IRAG1: variants seen among roughly 807,000 people sequenced by gnomAD.
IRAG1 encodes the protein IP3R-associated cGMP kinase substrate.
In IRAG1, 62 loss-of-function variants were observed where a neutral mutation model predicts 106.2. The ratio of observed to expected loss-of-function variants is 0.58; its 90% CI spans 0.48 to 0.72. The LOEUF is 0.72. Ranked by LOEUF, IRAG1 falls within the 30% of genes least tolerant of loss-of-function variation. IRAG1 has a pLI of 0.00. For synonymous variants in IRAG1, 462 were observed against 443.9 expected, an observed-to-expected ratio of 1.04 and a Z score of -0.51; for missense variants, 1,064 against 1,140.7, an observed-to-expected ratio of 0.93 and a Z score of 0.97.
At chr11:10,674,302 C>G (rs1367511548) in intron 1 of IRAG1, among the ~76,000 whole-genome samples, 4 of 152,210 alleles carry the variant, frequency 2.6e-5, no homozygotes, top group Non-Finnish European at 5.9e-5. Context: ...AAGGTAGACT[C>G]ATTTTTGTAG....
At chr11:10,627,880 C>T in intron 7 of IRAG1, 93 bp downstream of exon 7, 2 of 1,572,656 alleles carry the variant, frequency 1.3e-6, no homozygotes, top group Non-Finnish European at 1.7e-6. Context: ...GCACCCTCAT[C>T]TCCAGTGGGT....
intron 7 of IRAG1, 22 bp from the exon 8 acceptor site, chr11:10,627,782 A>T (rs1252093036): frequency 6.2e-7 from 1 of 1,613,834 alleles, no homozygotes. Flanking sequence ...GGTGAACAGG[A>T]GTCAGTCAGC....
At chr11:10,602,040 C>G (rs1854071616) in intron 14 of IRAG1, among the ~76,000 whole-genome samples, 2 of 152,234 alleles carry the variant, frequency 1.3e-5, no homozygotes, top group Non-Finnish European at 2.9e-5. Flanking sequence ...CACAGAGGGA[C>G]ACACCCAGTG....
At chr11:10,635,900 T>C (rs913108887) in intron 2 of IRAG1, among the ~76,000 whole-genome samples, 1 of 152,088 alleles carries the variant, frequency 6.6e-6, no homozygotes, top group Non-Finnish European at 1.5e-5. Context: ...TGTGTTCTTA[T>C]CCGGGAGCGA....
chr11:10,604,646 G>T (rs1591593902), intron 12 of IRAG1, 101 bp from the exon 13 acceptor site: 1 of 1,400,888 alleles, frequency 7.1e-7, no homozygotes, highest in Non-Finnish European at 9.9e-7. Context: ...ACGGCCCCTG[G>T]AACAGCCGCC....
intron 1 of IRAG1, among the ~76,000 whole-genome samples, chr11:10,670,731 C>T (rs575437040): frequency 1.0e-3 from 159 of 152,286 alleles, no homozygotes; most frequent in Middle Eastern, 6.8e-3. Context: ...GACCCTAATC[C>T]AATCTGACTG....
At chr11:10,693,513 T>G in intron 1 of IRAG1, 23 bp downstream of exon 1, 1 of 1,535,430 alleles carries the variant, frequency 6.5e-7, no homozygotes. Context: ...GGCAGGTTAT[T>G]CTAGGATATA....
chr11:10,604,369 G>C (rs185333448), intron 13 of IRAG1, 36 bp downstream of exon 13: 9 of 1,613,050 alleles, frequency 5.6e-6, no homozygotes, highest in Admixed American at 3.3e-5. Context: ...GACAGTCTCT[G>C]CTCCAGGGAT....
chr11:10,685,264 T>A (rs1006084526), intron 1 of IRAG1, among the ~76,000 whole-genome samples: 3 of 151,910 alleles, frequency 2.0e-5, no homozygotes, highest in African/African-American at 7.3e-5. Context: ...ATGGCCAACA[T>A]GGTGAAACCC....
rs750925966 is a variant in IRAG1, at chr11:10,629,698, G to C, written c.414C>G (p.His138Gln). Residue 138 changes from histidine to glutamine, a missense_variant, in exon 5 of 21, where the codon CAC (histidine) becomes CAG (glutamine). His to Gln is a conservative substitution (Grantham distance 24, BLOSUM62 0). Transcript: ENST00000423302. Reference protein sequence around the residue: ...ASLTSVDPAGHIIDLVNDQLP... With the variant: ...ASLTSVDPAGQIIDLVNDQLP... ...GCTGGTCATTCACCAGGTCAATGAT[G>C]TGCCCCGCGGGGTCTGCAGAAGGAG... is the stretch of plus-strand genomic sequence containing the variant. 1.3e-5 allele frequency: 21 copies of C among 1,613,434 alleles called. No individual in the cohort carries two copies. The East Asian group carries it at 4.7e-4, about 36-fold the overall frequency.
At chr11:10,601,178 T>G in intron 14 of IRAG1, 119 bp from the exon 15 acceptor site, 2 of 1,384,202 alleles carry the variant, frequency 1.4e-6, no homozygotes, top group Non-Finnish European at 2.0e-6. Context: ...GACAAGACTC[T>G]GCCCTCTGAA....
chr11:10,663,673 G>A (rs907087519), intron 1 of IRAG1, among the ~76,000 whole-genome samples: 5 of 152,224 alleles, frequency 3.3e-5, no homozygotes, highest in African/African-American at 1.2e-4. Context: ...CATTTGCAAA[G>A]CCTGAGGGCA....
At chr11:10,658,073 C>T (rs1859066252) in intron 1 of IRAG1, among the ~76,000 whole-genome samples, 1 of 152,238 alleles carries the variant, frequency 6.6e-6, no homozygotes, top group Admixed American at 6.5e-5. Context: ...TGTTCTTGCT[C>T]TCATGCTCTC....
intron 1 of IRAG1, among the ~76,000 whole-genome samples, chr11:10,658,215 T>A (rs774989467): frequency 6.6e-6 from 1 of 152,212 alleles, no homozygotes; most frequent in Non-Finnish European, 1.5e-5. Flanking sequence ...GTGAGCCGGA[T>A]GGGAAGCCTG....
chr11:10,647,032 T>C lies in IRAG1; in HGVS notation c.225+4993A>G, dbSNP rs1858010798. On this transcript the variant is annotated intron_variant, in intron 2 of 20. Coordinates refer to ENST00000423302, the MANE Select transcript of IRAG1 (RefSeq NM_130385.4). The surrounding 1 kb of genome is among the most constrained non-coding windows in gnomAD (Gnocchi z 4.3). ...TGCTGGCCCCACGAGCTTGTGCTCC[T>C]GAGGGGCTGGCAGGCAGAAGGGGTT... Among the ~76,000 whole-genome samples, 4 of 152,182 alleles carry C rather than the reference T, an allele frequency of 2.6e-5. No individual in the cohort carries two copies. Among genetic ancestry groups the C allele is most frequent in the Admixed American group, 2.6e-4 (4 of 15,282 alleles).
chr11:10,583,449 G>A (rs1459983764), intron 18 of IRAG1, among the ~76,000 whole-genome samples: 1 of 152,192 alleles, frequency 6.6e-6, no homozygotes, highest in Non-Finnish European at 1.5e-5. Flanking sequence ...ACACACTTCT[G>A]AGTTTGAAGC....
chr11:10,646,973 G>T (rs1224125049), intron 2 of IRAG1, among the ~76,000 whole-genome samples: 1 of 152,154 alleles, frequency 6.6e-6, no homozygotes, highest in Admixed American at 6.5e-5. Flanking sequence ...AATGAGGAAG[G>T]GGCATAGACA....
At chr11:10,615,291 G>A (rs1290542619) in intron 10 of IRAG1, among the ~76,000 whole-genome samples, 1 of 152,212 alleles carries the variant, frequency 6.6e-6, no homozygotes, top group African/African-American at 2.4e-5. Context: ...AACAGGTGCT[G>A]GAGAGGATAT....
intron 18 of IRAG1, chr11:10,585,914 C>T (rs1851916124): frequency 6.6e-6 from 1 of 151,742 alleles, no homozygotes; most frequent in African/African-American, 2.4e-5. Context: ...GCTTTTCTTT[C>T]AATAGAAGCC....
Sources: gnomAD v4.1 joint callset for allele counts (sites outside exome capture counted in the v4.1 genomes callset) on GRCh38, gnomAD v4.1.1 for gene constraint, Gnocchi (gnomAD v3.1) non-coding constraint, MANE v1.5 for transcripts, NCBI Gene and HGNC (gene_info 2026-07-23, HGNC 2026-07-21) for gene names.